The following SRI variants were observed in gnomAD, a reference collection of about 807,000 sequenced individuals.
SRI encodes the protein sorcin, also known as 22 kDa protein.
Under a neutral mutation model 33.3 loss-of-function variants are expected in SRI, and 30 were observed. The observed-to-expected ratio is 0.90, with a 90% CI of 0.67 to 1.22. The LOEUF is 1.22. SRI is among the 50% of genes most tolerant of loss of function. SRI has a pLI of 0.00. For missense variants in SRI, 243 were observed against 250.8 expected, an observed-to-expected ratio of 0.97 and a Z score of 0.21; for synonymous variants, 75 against 89.9, an observed-to-expected ratio of 0.83 and a Z score of 0.94.
intron 3 of SRI, among the ~76,000 whole-genome samples, chr7:88,214,132 G>C (rs897688516): frequency 2.6e-5 from 4 of 152,200 alleles, no homozygotes; most frequent in African/African-American, 9.7e-5. Flanking sequence ...CTCCTTCCCA[G>C]TAAGAGAATC....
intron 3 of SRI, among the ~76,000 whole-genome samples, chr7:88,212,205 C>T (rs1851596041): frequency 6.6e-6 from 1 of 152,330 alleles, no homozygotes; most frequent in South Asian, 2.1e-4. Flanking sequence ...ATAGGTTTTA[C>T]ACATTTAATA....
In SRI at chr7:88,217,196, T is replaced by C. The variant is rs73705607; in HGVS notation, c.136-5A>G. The stretch of plus-strand genomic sequence containing the variant: ...ATCAGCATCTATCTGCCCATCCTTT[T>C]GAAAAAAAATTAGAGGAATCATAAT... On this transcript the variant is annotated splice_polypyrimidine_tract_variant and splice_region_variant and intron_variant, in intron 2 of 7. Coordinates refer to ENST00000265729, the MANE Select transcript of SRI (RefSeq NM_003130.4). 0.011 allele frequency: 17,585 copies of C among 1,611,402 alleles called. 411 individuals carry two copies. Among genetic ancestry groups the C allele is most frequent in the South Asian group, 0.061 (5,507 of 90,944 alleles).
chr7:88,219,080 A>G (rs1301010585), intron 1 of SRI, 138 bp from the exon 2 acceptor site: 7 of 711,962 alleles, frequency 9.8e-6, no homozygotes, highest in Non-Finnish European at 1.5e-5. Flanking sequence ...CACCGGGCAC[A>G]CTCTGCCAAC....
chr7:88,209,648 ACT>A (rs1165714013), intron 5 of SRI, among the ~76,000 whole-genome samples, 196 bp from the exon 6 acceptor site: 1 of 151,948 alleles, frequency 6.6e-6, no homozygotes, highest in Non-Finnish European at 1.5e-5. Flanking sequence ...AGGGAGTCTC[ACT>A]CTCGCCCAGG....
At chr7:88,222,882 A>G (rs999362885), upstream of SRI, among the ~76,000 whole-genome samples, 10 of 152,072 alleles carry the variant, frequency 6.6e-5, no homozygotes, top group African/African-American at 2.4e-4. Flanking sequence ...CGTTAGACCT[A>G]AAACCATAAA....
chr7:88,217,111 T>A lies in SRI; in HGVS notation c.205+11A>T, dbSNP rs374995618. ...AGTATATTTAGACAAACTTTGGGAC[T>A]GTCAACTTACGTTTGTATCCTCCAG... On this transcript the variant is annotated intron_variant, in intron 3 of 7. Coordinates refer to ENST00000265729, the MANE Select transcript of SRI (RefSeq NM_003130.4). 5.6e-6 allele frequency: 9 copies of A among 1,613,158 alleles called. No individual in the cohort carries two copies. The highest frequency in any genetic ancestry group is 2.7e-5 in the African/African-American group (2 of 74,912).
chr7:88,210,292 A>G (rs1490859297), intron 4 of SRI, 162 bp from the exon 5 acceptor site: 3 of 867,312 alleles, frequency 3.5e-6, no homozygotes, highest in African/African-American at 3.4e-5. Flanking sequence ...GAAAGGGGCT[A>G]TGGAGAAAAA....
chr7:88,214,909 T>G, intron 3 of SRI: 1 of 906,606 alleles, frequency 1.1e-6, no homozygotes, highest in Non-Finnish European at 1.6e-6. Context: ...CTCCAGCTGT[T>G]TCTCTCAACC....
chr7:88,222,532 GTTGT>G (rs1270897900), upstream of SRI, among the ~76,000 whole-genome samples: 5 of 151,848 alleles, frequency 3.3e-5, no homozygotes, highest in South Asian at 2.1e-4. Context: ...TTTTGATGGG[GTTGT>G]TTGTTTTTTT....
intron 3 of SRI, 107 bp downstream of exon 3, chr7:88,217,015 T>C: frequency 9.8e-7 from 1 of 1,017,144 alleles, no homozygotes; most frequent in Non-Finnish European, 1.6e-6. Flanking sequence ...TTCTAAACTT[T>C]GCTAGATCCG....
In SRI at chr7:88,217,073, T is replaced by C. The variant is rs188738505; in HGVS notation, c.205+49A>G. 1.3e-5 allele frequency: 20 copies of C among 1,529,740 alleles called. No individual in the cohort carries two copies. The Admixed American group carries it at 2.0e-4, about 15-fold the overall frequency. The allele number at this position is 1,529,740 out of a possible 1,614,324, so 94.8% of individuals were successfully genotyped here. A position where few individuals can be genotyped will look rare whatever the true frequency, so the allele number is the denominator to read the frequency against. ...CTGTAATCACAAGTAACAGCTAAGA[T>C]AGGAAACACAAGAGTATATTTAGAC... On this transcript the variant is annotated intron_variant, in intron 3 of 7. Coordinates refer to ENST00000265729, the MANE Select transcript of SRI (RefSeq NM_003130.4).
chr7:88,214,868 C>T (rs1851669125), intron 3 of SRI: 3 of 1,258,618 alleles, frequency 2.4e-6, no homozygotes, highest in Non-Finnish European at 2.1e-6. Context: ...CAGAAACATA[C>T]AATATAATGG....
chr7:88,225,398 A>G (rs1206846059), intron 1 of SRI, among the ~76,000 whole-genome samples: 1 of 152,236 alleles, frequency 6.6e-6, no homozygotes, highest in Non-Finnish European at 1.5e-5. Context: ...ATGACCTTCC[A>G]AAGATGAGTT....
At chr7:88,208,602 T>C in intron 6 of SRI, 37 bp from the exon 7 acceptor site, 1 of 1,611,920 alleles carries the variant, frequency 6.2e-7, no homozygotes, top group Non-Finnish European at 8.5e-7. Context: ...GGTTTTTCTT[T>C]AAATGGTTTT....
chr7:88,208,626 A>T, intron 6 of SRI, 61 bp from the exon 7 acceptor site: 4 of 1,598,540 alleles, frequency 2.5e-6, no homozygotes, highest in Non-Finnish European at 2.6e-6. Flanking sequence ...AAAATCATAA[A>T]AGTTAGTTAT....
intron 3 of SRI, among the ~76,000 whole-genome samples, chr7:88,215,619 T>G (rs1350079944): frequency 6.6e-6 from 1 of 152,250 alleles, no homozygotes; most frequent in African/African-American, 2.4e-5. Context: ...TTCGTTTGTA[T>G]TAATTCCTCT....
Position 88,219,967 on chromosome 7 carries a change from A to G in SRI, c.51+9T>C. 1.3e-6 allele frequency: 2 copies of G among 1,540,168 alleles called. No homozygotes were observed. The highest frequency in any genetic ancestry group is 1.7e-6 in the Non-Finnish European group (2 of 1,146,310). On this transcript the variant is annotated intron_variant, in intron 1 of 7. Coordinates refer to ENST00000265729, the MANE Select transcript of SRI (RefSeq NM_003130.4). Reference sequence around the variant, plus strand: ...GCCTGGGCCGCGATCCCGCGCAGTCAGCACTTACCCCGCCTGGGTAGTACC... The same window carrying G: ...GCCTGGGCCGCGATCCCGCGCAGTCGGCACTTACCCCGCCTGGGTAGTACC...
At chr7:88,211,451 T>G (rs1212850616) in intron 3 of SRI, among the ~76,000 whole-genome samples, 2 of 150,866 alleles carry the variant, frequency 1.3e-5, no homozygotes, top group Non-Finnish European at 1.5e-5. Context: ...CAAGACTCCA[T>G]CTCAAAAAAA....
At chr7:88,219,006 G>A in intron 1 of SRI, 64 bp from the exon 2 acceptor site, 2 of 1,474,186 alleles carry the variant, frequency 1.4e-6, no homozygotes, top group Non-Finnish European at 1.9e-6. Flanking sequence ...TCACCACTGA[G>A]GGCTTTTGTG....
Sources: allele counts gnomAD v4.1 joint callset (sites outside exome capture counted in the v4.1 genomes callset), GRCh38; gene constraint gnomAD v4.1.1; transcripts MANE v1.5; gene names NCBI Gene and HGNC (gene_info 2026-07-23, HGNC 2026-07-21).